LIPA: variants seen among roughly 807,000 people sequenced by gnomAD.
The protein encoded by LIPA is lipase A, lysosomal acid type.
In LIPA, 26 loss-of-function variants were observed where a neutral mutation model predicts 40.6. The observed-to-expected ratio is 0.64, with a 90% CI of 0.47 to 0.89. The LOEUF is 0.89. LIPA is among the 40% of genes least tolerant of loss of function. The probability of loss-of-function intolerance (pLI) is 0.00; values close to 1 mark genes in which losing one functional copy is unlikely to be tolerated. For missense variants in LIPA, 455 were observed against 479.6 expected, an observed-to-expected ratio of 0.95 and a Z score of 0.48; for synonymous variants, 188 against 168.4, an observed-to-expected ratio of 1.12 and a Z score of -0.90.
intron 2 of LIPA, among the ~76,000 whole-genome samples, chr10:89,409,857 C>T (rs994367980): frequency 6.6e-5 from 10 of 152,204 alleles, no homozygotes; most frequent in African/African-American, 2.4e-4. Context: ...GATATATTAG[C>T]CAAAGCTGGA....
chr10:89,326,520 G>C (rs900193195), intron 1 of LIPA, among the ~76,000 whole-genome samples: 3 of 152,168 alleles, frequency 2.0e-5, no homozygotes, highest in African/African-American at 7.2e-5. Flanking sequence ...TCTAGTGTTT[G>C]TTAGAACAAG....
At chr10:89,297,055 A>T (rs1343517618) in intron 1 of LIPA, among the ~76,000 whole-genome samples, 2 of 152,172 alleles carry the variant, frequency 1.3e-5, no homozygotes, top group Non-Finnish European at 2.9e-5. Context: ...CGAATAGAAC[A>T]TCTAGGAGAC....
intron 1 of LIPA, among the ~76,000 whole-genome samples, chr10:89,300,534 T>C (rs1843438639): frequency 6.6e-6 from 1 of 152,198 alleles, no homozygotes; most frequent in Admixed American, 6.5e-5. Flanking sequence ...AACTCATAAA[T>C]ATGTAAATTA....
At chr10:89,222,944 C>A (rs1184682902) in intron 7 of LIPA, among the ~76,000 whole-genome samples, 2 of 152,076 alleles carry the variant, frequency 1.3e-5, no homozygotes, top group Non-Finnish European at 2.9e-5. Flanking sequence ...TTCCTTAGGG[C>A]CTTTATTCCA....
chr10:89,231,271 T>C (rs1842839026), intron 3 of LIPA, among the ~76,000 whole-genome samples: 1 of 152,188 alleles, frequency 6.6e-6, no homozygotes, highest in Non-Finnish European at 1.5e-5. Context: ...TCTGCTAATG[T>C]CCTAATATAG....
At chr10:89,294,493 C>T (rs780106959) in intron 1 of LIPA, among the ~76,000 whole-genome samples, 9 of 152,150 alleles carry the variant, frequency 5.9e-5, no homozygotes, top group South Asian at 4.1e-4. Flanking sequence ...TATGGAACTC[C>T]GTCCCTCAAT....
At chr10:89,325,825 TAAC>T (rs776493273) in intron 1 of LIPA, among the ~76,000 whole-genome samples, 26 of 151,918 alleles carry the variant, frequency 1.7e-4, no homozygotes, top group Admixed American at 4.6e-4. Flanking sequence ...TTTACCTAAA[TAAC>T]AAACCTGTAC....
At chr10:89,392,111 GA>G (rs760625682) in intron 2 of LIPA, among the ~76,000 whole-genome samples, 3 of 152,116 alleles carry the variant, frequency 2.0e-5, no homozygotes, top group Non-Finnish European at 4.4e-5. Context: ...TCCTAAACCA[GA>G]TTGGTTGCTT....
At chr10:89,253,902 A>T (rs578076687), upstream of LIPA, among the ~76,000 whole-genome samples, 2 of 152,348 alleles carry the variant, frequency 1.3e-5, no homozygotes, top group East Asian at 1.9e-4. Flanking sequence ...CTCCAAAATG[A>T]TCTCCTTTGA....
intron 9 of LIPA, among the ~76,000 whole-genome samples, chr10:89,215,702 C>T (rs1258122940): frequency 6.6e-6 from 1 of 152,180 alleles, no homozygotes; most frequent in Non-Finnish European, 1.5e-5. Context: ...CTGAGTAATG[C>T]ATAACAGTGA....
chr10:89,363,774 C>A (rs1157080300), intron 2 of LIPA, among the ~76,000 whole-genome samples: 709 of 92,924 alleles, frequency 7.6e-3, no homozygotes, highest in Non-Finnish European at 9.1e-3. Flanking sequence ...CAGACTCCAT[C>A]AAAAAAAAAA....
At chr10:89,219,010 T>C (rs1036007768) in intron 8 of LIPA, among the ~76,000 whole-genome samples, 1 of 152,256 alleles carries the variant, frequency 6.6e-6, no homozygotes, top group Admixed American at 6.5e-5. Flanking sequence ...AAAATATTAA[T>C]AGTGGCTATT....
intron 2 of LIPA, chr10:89,403,121 C>T (rs765298737): frequency 1.2e-6 from 2 of 1,614,120 alleles, no homozygotes; most frequent in Admixed American, 3.3e-5. Context: ...AGGAAACACC[C>T]ACTTCTGTCT....
intron 2 of LIPA, among the ~76,000 whole-genome samples, chr10:89,393,547 A>G (rs1844289851): frequency 6.6e-6 from 1 of 152,232 alleles, no homozygotes; most frequent in Non-Finnish European, 1.5e-5. Context: ...ATCCTGGCCA[A>G]CATGGTGAAA....
intron 1 of LIPA, among the ~76,000 whole-genome samples, chr10:89,329,073 G>T (rs886935652): frequency 3.3e-5 from 5 of 152,066 alleles, no homozygotes; most frequent in African/African-American, 1.2e-4. Flanking sequence ...AGCATGTTAG[G>T]GAGAACTAAG....
intron 1 of LIPA, among the ~76,000 whole-genome samples, chr10:89,318,343 T>C (rs896282068): frequency 2.0e-5 from 3 of 152,024 alleles, no homozygotes; most frequent in African/African-American, 4.8e-5. Context: ...GAGACACACA[T>C]AGGCTAAAAA....
chr10:89,215,031 T>C lies in LIPA; in HGVS notation c.997A>G (p.Met333Val), dbSNP rs1207794775. The change falls in exon 10 of 10, where the codon ATG (methionine) becomes GTG (valine). Residue 333 changes from methionine to valine, a missense_variant. Coordinates refer to ENST00000336233, the MANE Select transcript of LIPA (RefSeq NM_000235.4). ...CTCCAGACTGCAGTCGGCACAAGCA[T>C]GTCCTTCACATTGTATGTGGGAGGA... ...SYPPTYNVKDMLVPTAVWSGG... is the reference protein window; with the variant it reads ...SYPPTYNVKDVLVPTAVWSGG... The C allele has an allele frequency of 3.7e-6, 6 of 1,613,790 alleles. No homozygotes were observed. The highest frequency in any genetic ancestry group is 1.7e-5 in the Admixed American group (1 of 59,990).
chr10:89,410,914 C>CAGAG (rs771176603), intron 2 of LIPA, among the ~76,000 whole-genome samples: 1 of 151,648 alleles, frequency 6.6e-6, no homozygotes, highest in African/African-American at 2.4e-5. Context: ...GACAGAAAGT[C>CAGAG]AGAGAGAGAG....
At chr10:89,362,650 A>G (rs1384549589) in intron 2 of LIPA, 1 of 516,468 alleles carries the variant, frequency 1.9e-6, no homozygotes, top group African/African-American at 2.0e-5. Context: ...GCAGAAGCCC[A>G]GACTTACCTG....
Sources: allele counts gnomAD v4.1 joint callset (sites outside exome capture counted in the v4.1 genomes callset), GRCh38; gene constraint gnomAD v4.1.1; transcripts MANE v1.5; gene names NCBI Gene and HGNC (gene_info 2026-07-23, HGNC 2026-07-21).